The following ARHGAP39 variants were observed in gnomAD, a reference collection of about 807,000 sequenced individuals.
The protein encoded by ARHGAP39 is rho GTPase-activating protein 39.
ARHGAP39 carries 44 observed loss-of-function variants against 106.9 expected under a neutral mutation model. The observed-to-expected ratio is 0.41, with a 90% CI of 0.32 to 0.53. The LOEUF is 0.53. Among genes scored for constraint, ARHGAP39 ranks in the 20% least tolerant of loss-of-function variants. The pLI, the probability that ARHGAP39 is intolerant of heterozygous loss-of-function variation, is 0.21. For missense variants in ARHGAP39, 1,496 were observed against 1,577.3 expected (o/e 0.95, Z 0.87); for synonymous variants, 768 against 693.2 (o/e 1.11, Z -1.69).
chr8:144,540,999 C>G (rs964898731), intron 6 of ARHGAP39, among the ~76,000 whole-genome samples: 5 of 152,088 alleles, frequency 3.3e-5, no homozygotes, highest in Admixed American at 6.6e-5. Flanking sequence ...TTACAGGCGC[C>G]CGCCACCATG....
chr8:144,557,198 T>A (rs1305597553), intron 3 of ARHGAP39, among the ~76,000 whole-genome samples: 3 of 143,462 alleles, frequency 2.1e-5, no homozygotes, highest in African/African-American at 8.2e-5. Context: ...TGAACCTTCG[T>A]AGTATTCAGA....
In ARHGAP39 at chr8:144,545,672, T is replaced by C. The variant is rs2130838945; in HGVS notation, c.2098A>G (p.Lys700Glu). The C allele has an allele frequency of 1.2e-6, 2 of 1,613,482 alleles. No homozygotes were observed. The highest frequency in any genetic ancestry group is 1.7e-4 in the Middle Eastern group (1 of 6,058). Residue 700 changes from lysine to glutamate, a missense_variant, in exon 6 of 12, where the codon AAG becomes GAG. Lys to Glu is a moderately conservative substitution (Grantham distance 56). Transcript: ENST00000377307. ...SETDIENWASKHFNKHTQGLF... is the reference protein window; with the variant it reads ...SETDIENWASEHFNKHTQGLF... ...CCCTGCGTGTGCTTGTTGAAGTGCT[T>C]GGAGGCCCAGTTCTCGATGTCCGTC...
chr8:144,579,841 A>T (rs1166576680), intron 3 of ARHGAP39, among the ~76,000 whole-genome samples: 3 of 152,052 alleles, frequency 2.0e-5, no homozygotes, highest in Non-Finnish European at 4.4e-5. Context: ...GGGGGAGACC[A>T]ATCCCCTGCC....
chr8:144,561,347 A>G (rs982505361), intron 3 of ARHGAP39, among the ~76,000 whole-genome samples: 1 of 151,648 alleles, frequency 6.6e-6, no homozygotes, highest in African/African-American at 2.4e-5. Context: ...ATCACATCCC[A>G]GTGGTTTCCA....
At chr8:144,580,209 CCA>C (rs1418371199) in intron 3 of ARHGAP39, among the ~76,000 whole-genome samples, 3 of 152,112 alleles carry the variant, frequency 2.0e-5, no homozygotes, top group Non-Finnish European at 4.4e-5. Flanking sequence ...CACTGTGACT[CCA>C]GAGGACCACC....
upstream of ARHGAP39, among the ~76,000 whole-genome samples, chr8:144,689,975 G>A (rs960995550): frequency 4.6e-5 from 7 of 151,716 alleles, no homozygotes; most frequent in African/African-American, 1.2e-4. Context: ...TCAAACGCCC[G>A]ACCTCAGGTG....
At chr8:144,631,457 T>C (rs1821060350) in intron 1 of ARHGAP39, among the ~76,000 whole-genome samples, 1 of 152,254 alleles carries the variant, frequency 6.6e-6, no homozygotes, top group South Asian at 2.1e-4. Flanking sequence ...GAATATCCCT[T>C]TCTTTACGCC....
intron 1 of ARHGAP39, among the ~76,000 whole-genome samples, chr8:144,667,528 C>T (rs144344946): frequency 1.3e-5 from 2 of 152,374 alleles, no homozygotes; most frequent in Middle Eastern, 3.4e-3. Flanking sequence ...AGGGGCTTGG[C>T]CTGTCCTCCT....
In ARHGAP39 at chr8:144,684,917, G is replaced by A. The variant is rs1563737903; in HGVS notation, c.-82+769C>T. Among the ~76,000 whole-genome samples, 3 of 152,188 alleles carry A rather than the reference G, an allele frequency of 2.0e-5. No homozygotes were observed. Among genetic ancestry groups the A allele is most frequent in the Non-Finnish European group, 2.9e-5 (2 of 68,008 alleles). On this transcript the variant is annotated intron_variant, in intron 1 of 11. Transcript: ENST00000377307. This position sits in a 1 kb window ranked among gnomAD's most constrained non-coding sequence, Gnocchi z 4.4. ...TCCCTGCGCCCCGGGGACAAAGCCC[G>A]AGGCTGCACCGCAGCGCACCGCAGC... is the stretch of plus-strand genomic sequence containing the variant.
At chr8:144,695,188 C>T in the ARHGAP39 span, among the ~76,000 whole-genome samples, 2 of 145,080 alleles carry the variant, frequency 1.4e-5, no homozygotes, top group Non-Finnish European at 3.0e-5. Flanking sequence ...CATTCTCCTG[C>T]CTCAGCCTCC....
chr8:144,555,472 G>A lies in ARHGAP39; in HGVS notation c.596+88C>T, dbSNP rs41286687. 3.0e-3 allele frequency: 3,484 copies of A among 1,161,150 alleles called. 14 individuals are homozygous for A. Among genetic ancestry groups the A allele is most frequent in the Non-Finnish European group, 3.9e-3 (2,973 of 769,614 alleles). The allele number at this position is 1,161,150 out of a possible 1,614,324, so 71.9% of individuals were successfully genotyped here. ...TGGGTCTGTGGTGTTGCTGCTACGC[G>A]CCAGGCACCTCCCACTTGCAGTTAG... On this transcript the variant is annotated intron_variant, in intron 4 of 11. Transcript: ENST00000377307.
chr8:144,566,496 A>C (rs1334798350), intron 3 of ARHGAP39, among the ~76,000 whole-genome samples: 1 of 152,062 alleles, frequency 6.6e-6, no homozygotes, highest in African/African-American at 2.4e-5. Context: ...CAAAGTGTGC[A>C]ATGAGCAGAG....
In ARHGAP39 at chr8:144,536,924, C is replaced by G. The variant is rs531036993; in HGVS notation, c.2614+797G>C. 5.3e-5 allele frequency among the ~76,000 whole-genome samples: 8 copies of G among 152,230 alleles called. 1 individual carries two copies. The South Asian group carries it at 6.2e-4, about 12-fold the overall frequency. ...GGAAGAGGTGCCTAAGCCAAGTGGT[C>G]TCAAAGGAAGTGGAGCAGAGAGGTG... On this transcript the variant is annotated intron_variant, in intron 7 of 11. Transcript: ENST00000377307.
chr8:144,650,784 C>A (rs1053153189), intron 1 of ARHGAP39, among the ~76,000 whole-genome samples: 1 of 152,084 alleles, frequency 6.6e-6, no homozygotes, highest in Non-Finnish European at 1.5e-5. Flanking sequence ...TGTGACAAAC[C>A]CACAGCTACA....
intron 1 of ARHGAP39, among the ~76,000 whole-genome samples, chr8:144,615,553 T>C (rs1586616256): frequency 6.6e-6 from 1 of 152,350 alleles, no homozygotes; most frequent in South Asian, 2.1e-4. Context: ...GACACCCTCC[T>C]TTGCCATGGC....
In ARHGAP39 at chr8:144,645,484, C is replaced by T. The variant is rs1821418806; in HGVS notation, c.-81-39789G>A. Among the ~76,000 whole-genome samples, 2 of 151,810 alleles carry T rather than the reference C, an allele frequency of 1.3e-5. No homozygotes were observed. Among genetic ancestry groups the T allele is most frequent in the South Asian group, 2.1e-4 (1 of 4,732 alleles). ...ACTCTGGTCTCTCCCGGCAGAGTCA[C>T]TGATGGTCTCCGTCAGGGCAGAGCC... On this transcript the variant is annotated intron_variant, in intron 1 of 11. Coordinates refer to ENST00000377307, the MANE Select transcript of ARHGAP39 (RefSeq NM_025251.3). This position sits in a 1 kb window ranked among gnomAD's most constrained non-coding sequence, Gnocchi z 4.4.
chr8:144,544,502 G>A (rs1020162157), intron 6 of ARHGAP39, among the ~76,000 whole-genome samples: 16 of 152,220 alleles, frequency 1.1e-4, no homozygotes, highest in African/African-American at 3.9e-4. Context: ...GTGTGTGCGC[G>A]TGCATTTCTG....
intron 3 of ARHGAP39, among the ~76,000 whole-genome samples, chr8:144,576,819 C>G (rs1305761724): frequency 6.6e-6 from 1 of 152,138 alleles, no homozygotes; most frequent in Admixed American, 6.5e-5. Context: ...CCGCTTGTTT[C>G]TTAAAATGAT....
At chr8:144,617,491 C>T (rs577414749) in intron 1 of ARHGAP39, among the ~76,000 whole-genome samples, 4 of 151,810 alleles carry the variant, frequency 2.6e-5, no homozygotes, top group Non-Finnish European at 4.4e-5. Context: ...CGCCGCAAAC[C>T]AGGAGACCCC....
Sources: allele counts gnomAD v4.1 joint callset (sites outside exome capture counted in the v4.1 genomes callset), GRCh38; gene constraint gnomAD v4.1.1; non-coding constraint Gnocchi (gnomAD v3.1); transcripts MANE v1.5; gene names NCBI Gene and HGNC (gene_info 2026-07-23, HGNC 2026-07-21).